UBE2E2: variants seen among roughly 807,000 people sequenced by gnomAD.
The protein encoded by UBE2E2 is ubiquitin-conjugating enzyme E2 E2.
Under a neutral mutation model 24.7 loss-of-function variants are expected in UBE2E2, and 6 were observed. The observed-to-expected ratio is 0.24, with a 90% CI of 0.13 to 0.48. UBE2E2 has a LOEUF of 0.48. Among genes scored for constraint, UBE2E2 ranks in the 20% least tolerant of loss-of-function variants. UBE2E2 has a pLI of 0.99. For synonymous variants in UBE2E2, 104 were observed against 83.6 expected, an observed-to-expected ratio of 1.24 and a Z score of -1.33; for missense variants, 169 against 245.0, an observed-to-expected ratio of 0.69 and a Z score of 2.07.
chr3:23,367,689 G>A (rs1696297723), intron 3 of UBE2E2, among the ~76,000 whole-genome samples: 1 of 152,160 alleles, frequency 6.6e-6, no homozygotes, highest in African/African-American at 2.4e-5. Flanking sequence ...TGAACCCAAA[G>A]ACAGGGTTGC....
At chr3:23,521,333 G>A (rs1343623885) in intron 4 of UBE2E2, among the ~76,000 whole-genome samples, 2 of 152,172 alleles carry the variant, frequency 1.3e-5, no homozygotes, top group Admixed American at 6.5e-5. Context: ...GTGTGATATG[G>A]TCAGTCATTT....
chr3:23,472,184 A>G (rs1699044668), intron 3 of UBE2E2, among the ~76,000 whole-genome samples: 1 of 152,240 alleles, frequency 6.6e-6, no homozygotes, highest in African/African-American at 2.4e-5. Context: ...TGGAGTATAT[A>G]AGATATTTTA....
chr3:23,449,076 T>C (rs965254024), intron 3 of UBE2E2, among the ~76,000 whole-genome samples: 1 of 152,226 alleles, frequency 6.6e-6, no homozygotes, highest in East Asian at 1.9e-4. Context: ...ATTGTAAGTA[T>C]ACTAGCAGAA....
At chr3:23,286,277 A>G (rs950227793) in intron 3 of UBE2E2, among the ~76,000 whole-genome samples, 6 of 151,992 alleles carry the variant, frequency 3.9e-5, no homozygotes, top group East Asian at 1.9e-4. Context: ...AGTTTCACCA[A>G]TGTTTTATTT....
chr3:23,445,715 G>C (rs1698413745), intron 3 of UBE2E2, among the ~76,000 whole-genome samples: 2 of 152,120 alleles, frequency 1.3e-5, no homozygotes, highest in Non-Finnish European at 1.5e-5. Flanking sequence ...GAATGTGCCT[G>C]TGCCTAATCC....
chr3:23,240,717 T>G (rs1301496878), intron 3 of UBE2E2, among the ~76,000 whole-genome samples: 2 of 152,236 alleles, frequency 1.3e-5, no homozygotes, highest in Non-Finnish European at 2.9e-5. Flanking sequence ...TGAGCTGTGA[T>G]TAAGATTACT....
chr3:23,373,809 T>C (rs1242565385), intron 3 of UBE2E2, among the ~76,000 whole-genome samples: 1 of 152,178 alleles, frequency 6.6e-6, no homozygotes, highest in African/African-American at 2.4e-5. Flanking sequence ...GATGGTAAAT[T>C]ATATGGTCAC....
chr3:23,422,085 G>T (rs1367143932), intron 3 of UBE2E2, among the ~76,000 whole-genome samples: 1 of 152,102 alleles, frequency 6.6e-6, no homozygotes, highest in Non-Finnish European at 1.5e-5. Flanking sequence ...TTGTTGTATT[G>T]AATGAAGTAA....
chr3:23,261,391 T>C (rs929971689), intron 3 of UBE2E2, among the ~76,000 whole-genome samples: 2 of 152,170 alleles, frequency 1.3e-5, no homozygotes, highest in African/African-American at 4.8e-5. Flanking sequence ...TACATGTTTA[T>C]ATTGTGAAAC....
rs534530263 is a variant in UBE2E2, at chr3:23,374,137, G to A, written c.228-125471G>A. Among the ~76,000 whole-genome samples the A allele has an allele frequency of 1.3e-4, 20 of 152,064 alleles. No individual in the cohort carries two copies. The South Asian group carries it at 1.5e-3, about 11-fold the overall frequency. Reference sequence around the variant, plus strand: ...AATCTTTATAATAGAATACTTAAACGTTTCAATTAGGAATTTCAGCTTAAT... The same window carrying A: ...AATCTTTATAATAGAATACTTAAACATTTCAATTAGGAATTTCAGCTTAAT... On this transcript the variant is annotated intron_variant, in intron 3 of 5. Transcript: ENST00000396703.
At chr3:23,467,961 G>T (rs974747136) in intron 3 of UBE2E2, among the ~76,000 whole-genome samples, 1 of 152,098 alleles carries the variant, frequency 6.6e-6, no homozygotes, top group East Asian at 1.9e-4. Flanking sequence ...CTATCACAAG[G>T]ACAGGAAGGG....
intron 3 of UBE2E2, among the ~76,000 whole-genome samples, chr3:23,418,106 G>GA (rs1001840556): frequency 6.6e-6 from 1 of 152,000 alleles, no homozygotes; most frequent in Non-Finnish European, 1.5e-5. Flanking sequence ...ACTGGGGTAT[G>GA]AAAAAAAATC....
intron 3 of UBE2E2, among the ~76,000 whole-genome samples, chr3:23,350,583 A>G (rs1034033969): frequency 1.3e-5 from 2 of 152,246 alleles, no homozygotes; most frequent in African/African-American, 2.4e-5. Context: ...GAACTACGTG[A>G]AGAATACAGA....
intron 3 of UBE2E2, among the ~76,000 whole-genome samples, chr3:23,400,526 G>T (rs939687579): frequency 6.6e-6 from 1 of 151,752 alleles, no homozygotes; most frequent in Non-Finnish European, 1.5e-5. Context: ...TGTGCATTCT[G>T]TGAATAGGAG....
rs377103475 is a variant in UBE2E2, at chr3:23,265,929, T to C, written c.227+48617T>C. On this transcript the variant is annotated intron_variant, in intron 3 of 5. Transcript: ENST00000396703. Reference sequence around the variant, plus strand: ...CCTTCTTTGTCTCTTTTGATCTTTGTTGGTTTAAAGTCTGTTTTATCAGAG... The same window carrying C: ...CCTTCTTTGTCTCTTTTGATCTTTGCTGGTTTAAAGTCTGTTTTATCAGAG... Among the ~76,000 whole-genome samples the C allele has an allele frequency of 1.5e-4, 23 of 152,308 alleles. No individual in the cohort carries two copies. In the South Asian group the frequency reaches 3.3e-3, roughly 22 times the overall value.
At chr3:23,323,152 A>G (rs116593900) in intron 3 of UBE2E2, among the ~76,000 whole-genome samples, 3,712 of 152,208 alleles carry the variant, frequency 0.024, 156 homozygotes, top group African/African-American at 0.084. Flanking sequence ...GAAGCTGTCT[A>G]TATGTTATTA....
chr3:23,224,565 G>C (rs1464540791), intron 3 of UBE2E2, among the ~76,000 whole-genome samples: 2 of 150,680 alleles, frequency 1.3e-5, no homozygotes, highest in Non-Finnish European at 3.0e-5. Flanking sequence ...TTTTGGTAGA[G>C]TCTTTAGGTT....
chr3:23,253,646 T>C (rs1697638702), intron 3 of UBE2E2, among the ~76,000 whole-genome samples: 1 of 152,150 alleles, frequency 6.6e-6, no homozygotes, highest in South Asian at 2.1e-4. Context: ...TGATAAAAAA[T>C]ATGGACTGTT....
intron 5 of UBE2E2, among the ~76,000 whole-genome samples, chr3:23,582,741 G>GGCAAA (rs892544529): frequency 7.9e-5 from 12 of 151,958 alleles, no homozygotes; most frequent in Middle Eastern, 3.4e-3. Context: ...CCTTTTAATG[G>GGCAAA]GGTTCGTTTT....
Sources: allele counts gnomAD v4.1 joint callset (sites outside exome capture counted in the v4.1 genomes callset), GRCh38; gene constraint gnomAD v4.1.1; transcripts MANE v1.5; gene names NCBI Gene and HGNC (gene_info 2026-07-23, HGNC 2026-07-21).